Variants in SPRED1 observed in about 807,000 individuals in gnomAD.
SPRED1 encodes the protein sprouty-related, EVH1 domain-containing protein 1.
A neutral mutation model predicts 52.3 loss-of-function variants in SPRED1; 18 were observed. That is an observed-to-expected ratio of 0.34 (90% confidence interval 0.24 to 0.51). The LOEUF (loss-of-function observed/expected upper bound fraction) is 0.51, where lower values mean the gene tolerates loss of function less well. SPRED1 is among the 20% of genes least tolerant of loss of function. SPRED1 has a pLI of 0.97. For missense variants in SPRED1, 485 were observed against 551.0 expected, an observed-to-expected ratio of 0.88 and a Z score of 1.20; for synonymous variants, 155 against 179.7, an observed-to-expected ratio of 0.86 and a Z score of 1.10.
intron 1 of SPRED1, among the ~76,000 whole-genome samples, chr15:38,256,359 A>G (rs1894097249): frequency 1.3e-5 from 2 of 152,146 alleles, no homozygotes; most frequent in African/African-American, 4.8e-5. Flanking sequence ...TACATTATTG[A>G]ATTAGCCTTC....
chr15:38,264,193 C>T (rs1894258506), intron 1 of SPRED1, among the ~76,000 whole-genome samples: 1 of 152,194 alleles, frequency 6.6e-6, no homozygotes, highest in Non-Finnish European at 1.5e-5. Context: ...CCATAGTTTA[C>T]AGATGAGATA....
At chr15:38,299,710 A>G (rs576341994) in intron 2 of SPRED1, among the ~76,000 whole-genome samples, 163 bp downstream of exon 2, 2 of 151,790 alleles carry the variant, frequency 1.3e-5, no homozygotes, top group South Asian at 2.1e-4. Flanking sequence ...TTTTTTTTCA[A>G]ACTGAGACTG....
chr15:38,326,676 T>C (rs1459404647), intron 4 of SPRED1, among the ~76,000 whole-genome samples: 1 of 152,158 alleles, frequency 6.6e-6, no homozygotes, highest in Admixed American at 6.5e-5. Context: ...AGTGGACCTC[T>C]ACAAGATTCA....
chr15:38,288,064 C>T (rs115162485), intron 1 of SPRED1, among the ~76,000 whole-genome samples: 279 of 152,194 alleles, frequency 1.8e-3, no homozygotes, highest in African/African-American at 6.4e-3. Context: ...CTGTATCTTA[C>T]AGTTTTTGCT....
At chr15:38,276,932 A>C (rs998187154) in intron 1 of SPRED1, among the ~76,000 whole-genome samples, 1 of 152,210 alleles carries the variant, frequency 6.6e-6, no homozygotes, top group Non-Finnish European at 1.5e-5. Context: ...AGTATCCACA[A>C]GTAAAAAGAG....
chr15:38,269,441 AT>A (rs1239558442), intron 1 of SPRED1, among the ~76,000 whole-genome samples: 1 of 151,906 alleles, frequency 6.6e-6, no homozygotes, highest in Non-Finnish European at 1.5e-5. Flanking sequence ...CAGGGTCTTG[AT>A]TTTGTTGGCC....
chr15:38,290,178 A>T (rs1488921220), intron 1 of SPRED1, among the ~76,000 whole-genome samples: 2 of 152,016 alleles, frequency 1.3e-5, no homozygotes, highest in Admixed American at 1.3e-4. Flanking sequence ...CTATGTTTTG[A>T]TCTTTTGTTG....
intron 4 of SPRED1, among the ~76,000 whole-genome samples, chr15:38,328,033 G>C (rs1595749802): frequency 6.6e-6 from 1 of 152,218 alleles, no homozygotes; most frequent in African/African-American, 2.4e-5. Context: ...GGAAGTTGCA[G>C]TGTGTTCTGA....
chr15:38,313,919 T>C (rs1426579493), intron 2 of SPRED1, among the ~76,000 whole-genome samples: 1 of 151,808 alleles, frequency 6.6e-6, no homozygotes, highest in Non-Finnish European at 1.5e-5. Context: ...TTAATTTCAT[T>C]ATCTTTTAGG....
At chr15:38,254,925 C>G (rs77925047) in intron 1 of SPRED1, among the ~76,000 whole-genome samples, 1 of 152,124 alleles carries the variant, frequency 6.6e-6, no homozygotes, top group East Asian at 1.9e-4. Flanking sequence ...TGGTATCTTT[C>G]AAAAAGTTTG....
intron 1 of SPRED1, 150 bp from the exon 2 acceptor site, chr15:38,299,223 G>A: frequency 1.1e-6 from 1 of 893,698 alleles, no homozygotes; most frequent in Non-Finnish European, 1.9e-6. Context: ...CTTTCAAGTA[G>A]GCTACTTTCT....
rs572208682 is a variant in SPRED1 at position 38,255,824 on chromosome 15, G to T, written c.32+2607G>T. The stretch of plus-strand genomic sequence containing the variant: ...CTCTTTTTTAAAGCCATTGCTCATA[G>T]GGATTTAATTACAGTAGGGACTATT... On this transcript the variant is annotated intron_variant, in intron 1 of 6. Transcript: ENST00000299084. Among the ~76,000 whole-genome samples, 26 of 152,132 alleles carry T rather than the reference G, an allele frequency of 1.7e-4. No individual in the cohort carries two copies. The South Asian group carries it at 5.2e-3, about 30-fold the overall frequency.
At chr15:38,275,082 CT>C (rs1894519740) in intron 1 of SPRED1, among the ~76,000 whole-genome samples, 1 of 152,184 alleles carries the variant, frequency 6.6e-6, no homozygotes, top group South Asian at 2.1e-4. Context: ...TGATTCTTGC[CT>C]GCAACAATTA....
At chr15:38,267,440 A>C (rs1438227470) in intron 1 of SPRED1, among the ~76,000 whole-genome samples, 1 of 152,218 alleles carries the variant, frequency 6.6e-6, no homozygotes, top group Non-Finnish European at 1.5e-5. Context: ...CAAAGAGTAC[A>C]AGTGGTTTTT....
At chr15:38,316,802 C>T (rs1895497416) in intron 2 of SPRED1, among the ~76,000 whole-genome samples, 1 of 104,662 alleles carries the variant, frequency 9.6e-6, no homozygotes. Context: ...AATCCCTGTG[C>T]ATTTGTAGAT....
At chr15:38,345,472 C>A (rs1344878348) in intron 5 of SPRED1, among the ~76,000 whole-genome samples, 1 of 152,158 alleles carries the variant, frequency 6.6e-6, no homozygotes, top group Non-Finnish European at 1.5e-5. Flanking sequence ...AAGGACTAGA[C>A]AACTGCCTTG....
rs876657584 is a variant in SPRED1 at position 38,351,439 on chromosome 15, C to T, written c.1110C>T (p.Leu370=). 7.4e-6 allele frequency: 12 copies of T among 1,614,010 alleles called. No individual in the cohort carries two copies. Among genetic ancestry groups the T allele is most frequent in the African/African-American group, 1.3e-5 (1 of 74,916 alleles). ...GCATATATCAAGTTAGTTGCATGCT[C>T]TGTGCAGAGAGCATGTTGTATCATT... The part of the protein sequence containing the change: ...KRCIYQVSCM[L]CAESMLYHCM... The change falls in exon 7 of 7, where the codon CTC becomes CTT. Residue 370 remains leucine (L), a synonymous_variant. Coordinates refer to ENST00000299084, the MANE Select transcript of SPRED1 (RefSeq NM_152594.3).
intron 2 of SPRED1, among the ~76,000 whole-genome samples, chr15:38,318,277 A>G (rs570318216): frequency 8.2e-4 from 125 of 152,216 alleles, no homozygotes; most frequent in African/African-American, 2.9e-3. Flanking sequence ...GTTGAGATCT[A>G]GTTTATAATT....
intron 1 of SPRED1, among the ~76,000 whole-genome samples, chr15:38,278,780 GTC>G (rs1341301245): frequency 3.0e-4 from 45 of 148,270 alleles, no homozygotes; most frequent in Non-Finnish European, 5.5e-4. Context: ...AGAAAAAAAA[GTC>G]TGTACATGTT....
Sources: allele counts gnomAD v4.1 joint callset (sites outside exome capture counted in the v4.1 genomes callset), GRCh38; gene constraint gnomAD v4.1.1; transcripts MANE v1.5; gene names NCBI Gene and HGNC (gene_info 2026-07-23, HGNC 2026-07-21).